The following KCNH8 variants were observed in gnomAD, a reference collection of about 807,000 sequenced individuals.
KCNH8 encodes voltage-gated delayed rectifier potassium channel KCNH8.
In KCNH8, 70 loss-of-function variants were observed where a neutral mutation model predicts 103.6. The ratio of observed to expected loss-of-function variants is 0.68; its 90% CI spans 0.56 to 0.82. The LOEUF (loss-of-function observed/expected upper bound fraction) is 0.82, where lower values mean the gene tolerates loss of function less well. Among genes scored for constraint, KCNH8 ranks in the 40% least tolerant of loss-of-function variants. The pLI, the probability that KCNH8 is intolerant of heterozygous loss-of-function variation, is 0.00. For synonymous variants in KCNH8, 498 were observed against 489.4 expected (o/e 1.02, Z -0.23); for missense variants, 1,217 against 1,329.9 (o/e 0.92, Z 1.32).
At chr3:19,237,961 G>C (rs887746634) in intron 1 of KCNH8, among the ~76,000 whole-genome samples, 1 of 152,170 alleles carries the variant, frequency 6.6e-6, no homozygotes, top group African/African-American at 2.4e-5. Context: ...TTTATGGTAA[G>C]ATATTTAGCA....
chr3:19,322,268 T>C (rs1484572160), intron 3 of KCNH8, among the ~76,000 whole-genome samples: 1 of 152,154 alleles, frequency 6.6e-6, no homozygotes, highest in Non-Finnish European at 1.5e-5. Context: ...CATTCTGTTA[T>C]TGTTTTATAG....
chr3:19,482,506 T>C (rs1288598941), intron 11 of KCNH8, among the ~76,000 whole-genome samples: 1 of 152,194 alleles, frequency 6.6e-6, no homozygotes, highest in Admixed American at 6.5e-5. Context: ...CAAAGCATTT[T>C]TGTGAACTAA....
chr3:19,514,713 T>C, intron 13 of KCNH8, among the ~76,000 whole-genome samples: 1 of 151,936 alleles, frequency 6.6e-6, no homozygotes, highest in East Asian at 1.9e-4. Context: ...CTCTGACATT[T>C]AGAGTTTTCT....
intron 5 of KCNH8, among the ~76,000 whole-genome samples, chr3:19,380,216 G>T (rs2066270181): frequency 6.6e-6 from 1 of 152,152 alleles, no homozygotes; most frequent in Non-Finnish European, 1.5e-5. Context: ...TATAGAATAA[G>T]AGGATAAACT....
chr3:19,298,203 A>G (rs528406690), intron 3 of KCNH8, among the ~76,000 whole-genome samples: 1 of 152,374 alleles, frequency 6.6e-6, no homozygotes, highest in South Asian at 2.1e-4. Flanking sequence ...TTTTACATTG[A>G]AAACCTTTCT....
rs938344235 is a variant in KCNH8, at chr3:19,408,025, G to A, written c.1177+12714G>A. Among the ~76,000 whole-genome samples, 4 of 152,108 alleles carry A rather than the reference G, an allele frequency of 2.6e-5. No individual in the cohort carries two copies. In the South Asian group the frequency reaches 8.3e-4, roughly 32 times the overall value. ...CTTCATGGCTCCCACCCCTTGGAGA[G>A]TGAGCAGAGAGTTCAGACCACTGTG... On this transcript the variant is annotated intron_variant, in intron 7 of 15. Transcript: ENST00000328405.
At chr3:19,251,667 A>T (rs1454418716) in intron 1 of KCNH8, among the ~76,000 whole-genome samples, 2 of 152,138 alleles carry the variant, frequency 1.3e-5, no homozygotes, top group Non-Finnish European at 2.9e-5. Context: ...CAGGAAAGAT[A>T]GTCTGTCTGC....
chr3:19,258,905 T>TTCTCTCTCTCTCTC (rs755488116), intron 2 of KCNH8, among the ~76,000 whole-genome samples: 6 of 43,076 alleles, frequency 1.4e-4, no homozygotes, highest in African/African-American at 1.7e-4. Flanking sequence ...TATTTTCTGT[T>TTCTCTCTCTCTCTC]TCTCTCTCTC....
chr3:19,324,196 G>A (rs565230454), intron 3 of KCNH8, among the ~76,000 whole-genome samples: 39 of 152,250 alleles, frequency 2.6e-4, no homozygotes, highest in African/African-American at 9.1e-4. Context: ...GCTGATGGGA[G>A]TGTGGTTTCC....
chr3:19,288,140 A>G (rs944317502), intron 3 of KCNH8, among the ~76,000 whole-genome samples: 1 of 126,458 alleles, frequency 7.9e-6, no homozygotes, highest in Non-Finnish European at 1.6e-5. Context: ...TTGCTGCTGG[A>G]GTCATCTTTC....
chr3:19,264,944 A>G (rs2064487189), intron 2 of KCNH8, among the ~76,000 whole-genome samples: 1 of 152,088 alleles, frequency 6.6e-6, no homozygotes, highest in Admixed American at 6.6e-5. Flanking sequence ...AGTCATGCTC[A>G]TGCACCTGGC....
intron 7 of KCNH8, among the ~76,000 whole-genome samples, chr3:19,413,522 A>G (rs1232239484): frequency 6.6e-6 from 1 of 152,072 alleles, no homozygotes; most frequent in African/African-American, 2.4e-5. Context: ...AAACCTGTAC[A>G]TGTACCTCCT....
At chr3:19,259,349 CT>C (rs1166110380) in intron 2 of KCNH8, among the ~76,000 whole-genome samples, 3 of 151,618 alleles carry the variant, frequency 2.0e-5, no homozygotes, top group South Asian at 2.1e-4. Flanking sequence ...TTGTTTTAAG[CT>C]TTTTTTAAAT....
chr3:19,292,071 A>C (rs2064936219), intron 3 of KCNH8, among the ~76,000 whole-genome samples: 1 of 152,192 alleles, frequency 6.6e-6, no homozygotes, highest in African/African-American at 2.4e-5. Flanking sequence ...CATTATGTTA[A>C]TTTGGTTTTC....
intron 3 of KCNH8, among the ~76,000 whole-genome samples, chr3:19,333,331 A>G (rs1474139567): frequency 6.6e-6 from 1 of 152,222 alleles, no homozygotes; most frequent in Non-Finnish European, 1.5e-5. Flanking sequence ...TGAAGCTTCC[A>G]TATACTATTA....
At chr3:19,435,415 C>A (rs968314488) in intron 7 of KCNH8, among the ~76,000 whole-genome samples, 3 of 152,084 alleles carry the variant, frequency 2.0e-5, no homozygotes, top group African/African-American at 4.8e-5. Flanking sequence ...TGTAATTGTA[C>A]CTATTCCATA....
chr3:19,186,343 A>C (rs1324305393), intron 1 of KCNH8, among the ~76,000 whole-genome samples: 1 of 151,834 alleles, frequency 6.6e-6, no homozygotes, highest in Non-Finnish European at 1.5e-5. Flanking sequence ...GCTTGAAATG[A>C]ATGTCCTTTA....
intron 1 of KCNH8, among the ~76,000 whole-genome samples, chr3:19,241,723 GACACACAC>G (rs71055059): frequency 4.7e-5 from 7 of 147,702 alleles, no homozygotes; most frequent in Admixed American, 2.0e-4. Flanking sequence ...TACACACACA[GACACACAC>G]ACACACACAC....
chr3:19,476,090 T>G (rs990803147), intron 11 of KCNH8, among the ~76,000 whole-genome samples: 1 of 152,170 alleles, frequency 6.6e-6, no homozygotes, highest in African/African-American at 2.4e-5. Context: ...TTTCGAAGAT[T>G]TCTTTAAGTA....
Sources: allele counts gnomAD v4.1 joint callset (sites outside exome capture counted in the v4.1 genomes callset), GRCh38; gene constraint gnomAD v4.1.1; transcripts MANE v1.5; gene names NCBI Gene and HGNC (gene_info 2026-07-23, HGNC 2026-07-21).